CNBD1: variants seen among roughly 807,000 people sequenced by gnomAD.
The protein encoded by CNBD1 is cyclic nucleotide binding domain containing 1, also known as cyclic nucleotide-binding domain-containing protein 1.
In CNBD1, 71 loss-of-function variants were observed where a neutral mutation model predicts 54.4. The ratio of observed to expected loss-of-function variants is 1.30; its 90% CI spans 1.08 to 1.59. The LOEUF (loss-of-function observed/expected upper bound fraction) is 1.59. Ranked by LOEUF, CNBD1 falls within the 40% of genes most tolerant of loss-of-function variation. CNBD1 has a pLI of 0.00. For synonymous variants in CNBD1, 182 were observed against 170.7 expected, an observed-to-expected ratio of 1.07 and a Z score of -0.51; for missense variants, 659 against 518.0, an observed-to-expected ratio of 1.27 and a Z score of -2.64.
chr8:87,260,531 CTT>C (rs1391196983), intron 6 of CNBD1, among the ~76,000 whole-genome samples: 1 of 152,098 alleles, frequency 6.6e-6, no homozygotes, highest in Non-Finnish European at 1.5e-5. Flanking sequence ...TTAATCAAAA[CTT>C]TACAGGGGAG....
chr8:86,968,290 A>G (rs1808136264), intron 4 of CNBD1, among the ~76,000 whole-genome samples: 1 of 152,168 alleles, frequency 6.6e-6, no homozygotes, highest in African/African-American at 2.4e-5. Flanking sequence ...TTTTTCTCCT[A>G]TACTCATCAT....
At chr8:87,253,703 G>T (rs1807954633) in intron 6 of CNBD1, among the ~76,000 whole-genome samples, 2 of 152,114 alleles carry the variant, frequency 1.3e-5, no homozygotes, top group Admixed American at 6.6e-5. Flanking sequence ...ACTAGAACTA[G>T]GGAGAAAATT....
intron 4 of CNBD1, among the ~76,000 whole-genome samples, chr8:87,195,293 A>G (rs1212105263): frequency 1.3e-5 from 2 of 148,332 alleles, no homozygotes; most frequent in East Asian, 2.0e-4. Flanking sequence ...CAGTGGCACA[A>G]TCTTGGCTGT....
chr8:87,084,473 G>T (rs966531414), intron 4 of CNBD1, among the ~76,000 whole-genome samples: 1 of 151,110 alleles, frequency 6.6e-6, no homozygotes, highest in South Asian at 2.1e-4. Flanking sequence ...GGATGAACAG[G>T]TTTTTTTTTC....
chr8:87,324,468 C>T (rs1472328023), intron 8 of CNBD1, among the ~76,000 whole-genome samples: 1 of 147,384 alleles, frequency 6.8e-6, no homozygotes, highest in South Asian at 2.1e-4. Flanking sequence ...TTGATTATTG[C>T]CCCAATTTCA....
chr8:87,120,032 T>C (rs1384951938), intron 4 of CNBD1, among the ~76,000 whole-genome samples: 1 of 152,074 alleles, frequency 6.6e-6, no homozygotes, highest in East Asian at 1.9e-4. Flanking sequence ...TGGCCCATAG[T>C]TTTCTTTTTT....
intron 2 of CNBD1, among the ~76,000 whole-genome samples, chr8:87,408,945 C>T (rs1321572229): frequency 1.3e-5 from 2 of 152,068 alleles, no homozygotes; most frequent in South Asian, 4.1e-4. Flanking sequence ...TCTCTCTCTC[C>T]TCAGACCTAC....
At chr8:87,255,996 TATATATATATATATATA>T (rs1311525975) in intron 6 of CNBD1, among the ~76,000 whole-genome samples, 8 of 15,244 alleles carry the variant, frequency 5.2e-4, no homozygotes, top group Middle Eastern at 0.016. Flanking sequence ...TATATATATA[TATATATATATATATATA>T]TATTTTTTTT....
intron 6 of CNBD1, among the ~76,000 whole-genome samples, chr8:87,257,727 A>G (rs1808051064): frequency 6.6e-6 from 1 of 152,160 alleles, no homozygotes; most frequent in African/African-American, 2.4e-5. Context: ...AGCACTGATA[A>G]CTAAGGGGTT....
At chr8:87,147,207 C>A (rs766784273) in intron 4 of CNBD1, among the ~76,000 whole-genome samples, 22 of 152,040 alleles carry the variant, frequency 1.4e-4, no homozygotes, top group South Asian at 8.3e-4. Flanking sequence ...TATTTTTTCT[C>A]TATGTGATAT....
At chr8:87,091,250 T>C (rs1811198223) in intron 4 of CNBD1, among the ~76,000 whole-genome samples, 1 of 152,176 alleles carries the variant, frequency 6.6e-6, no homozygotes, top group Admixed American at 6.5e-5. Flanking sequence ...TGCCCAGTCC[T>C]GTATTTAGAC....
intron 4 of CNBD1, among the ~76,000 whole-genome samples, chr8:87,073,699 G>A (rs1382162368): frequency 1.3e-5 from 2 of 152,146 alleles, no homozygotes; most frequent in Non-Finnish European, 2.9e-5. Flanking sequence ...CTCTGTCCCA[G>A]TGGAGTACTG....
At chr8:87,254,458 A>G (rs1807971476) in intron 6 of CNBD1, among the ~76,000 whole-genome samples, 2 of 152,208 alleles carry the variant, frequency 1.3e-5, no homozygotes, top group Admixed American at 1.3e-4. Context: ...AGGAAAAGGA[A>G]TATTATTTCT....
At chr8:87,120,887 G>T (rs992631510) in intron 4 of CNBD1, among the ~76,000 whole-genome samples, 2 of 151,908 alleles carry the variant, frequency 1.3e-5, no homozygotes, top group Non-Finnish European at 2.9e-5. Flanking sequence ...TAGATATTTT[G>T]TCAGGTTTTA....
intron 4 of CNBD1, among the ~76,000 whole-genome samples, chr8:87,129,069 C>CAAAAAAAAAAAAAAAAAA (rs570657716): frequency 0.015 from 386 of 26,148 alleles, 87 homozygotes; most frequent in Middle Eastern, 0.079. Flanking sequence ...GACTCTGCCT[C>CAAAAAAAAAAAAAAAAAA]AAAAAAAAAA....
rs1563589764 is a variant in CNBD1, at chr8:87,406,482, T to TACACACACAC, written c.214-22064_214-22063insACACACACAC. On this transcript the variant is annotated intron_variant, in intron 2 of 7. Transcript: ENST00000521593. ...CACACACACACACACACACACACTTTTTTTTTTTTTTTTTTGAGACAGAAT... is the reference window on the plus strand; with the variant it reads ...CACACACACACACACACACACACTTTACACACACACTTTTTTTTTTTTTTTGAGACAGAAT... Among the ~76,000 whole-genome samples the TACACACACAC allele has an allele frequency of 2.8e-3, 400 of 142,930 alleles. 1 individual carries two copies. The highest frequency in any genetic ancestry group is 0.01 in the African/African-American group (377 of 35,952). The allele number at this position is 142,930 out of a possible 152,430, so 93.8% of individuals were successfully genotyped here.
intron 8 of CNBD1, among the ~76,000 whole-genome samples, chr8:87,334,114 G>A (rs1386494333): frequency 6.6e-6 from 1 of 152,064 alleles, no homozygotes; most frequent in East Asian, 1.9e-4. Flanking sequence ...TCTTGGGAGG[G>A]TGTATGTGTC....
chr8:87,270,417 C>T (rs561338331), intron 6 of CNBD1, among the ~76,000 whole-genome samples: 56 of 151,976 alleles, frequency 3.7e-4, no homozygotes, highest in African/African-American at 1.2e-3. Context: ...AATGAGATAC[C>T]ATCTCACGCC....
rs985486446 is a variant in CNBD1 at position 87,379,198 on chromosome 8, A to G, written c.1304-3422A>G. On this transcript the variant is annotated intron_variant, in intron 10 of 10. Coordinates refer to ENST00000518476, the MANE Select transcript of CNBD1 (RefSeq NM_173538.3). Reference sequence around the variant, plus strand: ...CAGAAGTTCCAACACTATGTTGAATAGGAGTGGTGAGAGAGGGCATCCCTG... The same window carrying G: ...CAGAAGTTCCAACACTATGTTGAATGGGAGTGGTGAGAGAGGGCATCCCTG... Among the ~76,000 whole-genome samples, 27 of 152,092 alleles carry G rather than the reference A, an allele frequency of 1.8e-4. 3 individuals carry two copies. The highest frequency in any genetic ancestry group is 1.4e-3 in the Admixed American group (22 of 15,216).
Sources: allele counts gnomAD v4.1 joint callset (sites outside exome capture counted in the v4.1 genomes callset), GRCh38; gene constraint gnomAD v4.1.1; transcripts MANE v1.5; gene names NCBI Gene and HGNC (gene_info 2026-07-23, HGNC 2026-07-21).